The following EML6 variants were observed in gnomAD, a reference collection of about 807,000 sequenced individuals.
The protein encoded by EML6 is echinoderm microtubule-associated protein-like 6.
EML6 carries 154 observed loss-of-function variants against 240.1 expected under a neutral mutation model. The ratio of observed to expected loss-of-function variants is 0.64; its 90% CI spans 0.56 to 0.73. The LOEUF (loss-of-function observed/expected upper bound fraction) is 0.73, where lower values mean the gene tolerates loss of function less well. Ranked by LOEUF, EML6 falls within the 30% of genes least tolerant of loss-of-function variation. The pLI is 0.00. For synonymous variants in EML6, 1,148 were observed against 899.0 expected, an observed-to-expected ratio of 1.28 and a Z score of -4.95; for missense variants, 2,964 against 2,474.6, an observed-to-expected ratio of 1.20 and a Z score of -4.20.
chr2:54,937,443 C>T (rs1675197811), intron 28 of EML6, among the ~76,000 whole-genome samples: 1 of 148,840 alleles, frequency 6.7e-6, no homozygotes. Context: ...GGTTTAGTTG[C>T]TTGGGAGGCT....
At chr2:54,884,785 T>A (rs984583307) in intron 17 of EML6, among the ~76,000 whole-genome samples, 1 of 152,248 alleles carries the variant, frequency 6.6e-6, no homozygotes, top group African/African-American at 2.4e-5. Flanking sequence ...CTAGGAAATA[T>A]AATTTTCTGT....
At chr2:54,744,032 A>G (rs1683783542) in intron 2 of EML6, among the ~76,000 whole-genome samples, 1 of 151,824 alleles carries the variant, frequency 6.6e-6, no homozygotes, top group Non-Finnish European at 1.5e-5. Context: ...GGTGGGGGAA[A>G]GCATTGCAGG....
Position 54,813,254 on chromosome 2 carries a change from ACT to A in EML6, c.224_225del (p.Leu75ArgfsTer19), listed in dbSNP as rs1667939364. 1 of 1,550,296 alleles carries A rather than the reference ACT, an allele frequency of 6.5e-7. No homozygotes were observed. Among genetic ancestry groups the A allele is most frequent in the Admixed American group, 2.0e-5 (1 of 50,780 alleles). On this transcript the variant is annotated frameshift_variant, in exon 3 of 42. Transcript: ENST00000356458. LOFTEE classifies it high-confidence loss of function. ...CAGCCTTGCCTTACACCCAGACAAA[ACT>A]CTCGTTGCAACTGGCCAAGTCGGGA... is the stretch of plus-strand genomic sequence containing the variant. ...IISLALHPDK[T>X]LVATGQVGKE... is the part of the protein sequence containing the mutation.
Position 54,903,211 on chromosome 2 carries a change from A to T in EML6, c.3277+15A>T. 1 of 1,549,782 alleles carries T rather than the reference A, an allele frequency of 6.5e-7. No homozygotes were observed. Among genetic ancestry groups the T allele is most frequent in the Non-Finnish European group, 8.7e-7 (1 of 1,145,534 alleles). On this transcript the variant is annotated intron_variant, in intron 23 of 41. Transcript: ENST00000356458. ...GTTTTCAAAAGGTGAAGATGACAGCAGATACTTTTTAAAATAGCACAGTCT... is the reference window on the plus strand; with the variant it reads ...GTTTTCAAAAGGTGAAGATGACAGCTGATACTTTTTAAAATAGCACAGTCT...
chr2:54,964,769 A>C, intron 38 of EML6, 36 bp downstream of exon 38: 1 of 1,544,904 alleles, frequency 6.5e-7, no homozygotes, highest in Non-Finnish European at 8.8e-7. Context: ...GGGGCAACCA[A>C]TAATAACAGC....
chr2:54,835,704 C>G (rs1309725398), intron 7 of EML6, among the ~76,000 whole-genome samples: 1 of 152,122 alleles, frequency 6.6e-6, no homozygotes, highest in Non-Finnish European at 1.5e-5. Flanking sequence ...AGCTCTCAAC[C>G]AGGAGTGATT....
chr2:54,883,524 A>C (rs1418649069), intron 17 of EML6, among the ~76,000 whole-genome samples: 4 of 152,210 alleles, frequency 2.6e-5, no homozygotes, highest in African/African-American at 9.6e-5. Flanking sequence ...CCCAGTGTGC[A>C]GTTGCCCTTG....
intron 2 of EML6, among the ~76,000 whole-genome samples, chr2:54,811,041 A>G (rs769178535): frequency 3.3e-5 from 5 of 152,114 alleles, no homozygotes; most frequent in African/African-American, 4.8e-5. Context: ...AGTCTCAAAC[A>G]TACTAAGCAT....
intron 5 of EML6, among the ~76,000 whole-genome samples, chr2:54,826,038 G>A (rs78441853): frequency 0.01 from 1,540 of 152,214 alleles, 31 homozygotes; most frequent in African/African-American, 0.034. Context: ...CCTGCCACCC[G>A]GGCACAGTCT....
chr2:54,931,360 G>T (rs1220486291), intron 28 of EML6, among the ~76,000 whole-genome samples: 1 of 152,162 alleles, frequency 6.6e-6, no homozygotes, highest in Admixed American at 6.5e-5. Flanking sequence ...TGGGAGGGTG[G>T]CACAAGATGT....
chr2:54,841,129 G>A (rs190396635), intron 7 of EML6, among the ~76,000 whole-genome samples: 8 of 152,362 alleles, frequency 5.3e-5, no homozygotes, highest in Admixed American at 3.3e-4. Context: ...GATCATGGGC[G>A]CAAGGCCGTG....
At chr2:54,731,554 C>G (rs1199094284) in intron 2 of EML6, among the ~76,000 whole-genome samples, 2 of 152,086 alleles carry the variant, frequency 1.3e-5, no homozygotes, top group East Asian at 1.9e-4. Context: ...AAGGTCAAGA[C>G]TGCAATGTGC....
At chr2:54,944,173 T>C (rs960931115) in intron 28 of EML6, among the ~76,000 whole-genome samples, 1 of 152,156 alleles carries the variant, frequency 6.6e-6, no homozygotes, top group African/African-American at 2.4e-5. Flanking sequence ...CCCAGGGTCA[T>C]GTCACTGACT....
intron 7 of EML6, among the ~76,000 whole-genome samples, chr2:54,835,799 G>T (rs1572974443): frequency 6.6e-6 from 1 of 152,118 alleles, no homozygotes; most frequent in South Asian, 2.1e-4. Flanking sequence ...AGAGGCCAGG[G>T]AAGCTGCTAA....
At chr2:54,822,514 G>GTC (rs1372971535) in intron 5 of EML6, among the ~76,000 whole-genome samples, 6 of 152,122 alleles carry the variant, frequency 3.9e-5, no homozygotes, top group African/African-American at 1.2e-4. Context: ...CCACTTAAGT[G>GTC]TCTCTAGGAA....
intron 17 of EML6, among the ~76,000 whole-genome samples, chr2:54,884,811 T>G (rs1672033394): frequency 6.6e-6 from 1 of 152,202 alleles, no homozygotes; most frequent in South Asian, 2.1e-4. Flanking sequence ...TTATTTTCAT[T>G]TTGGTTTTCT....
At chr2:54,882,188 CT>C (rs1671851086) in intron 17 of EML6, 1 of 151,922 alleles carries the variant, frequency 6.6e-6, no homozygotes, top group African/African-American at 2.4e-5. Flanking sequence ...ACGATCCGAT[CT>C]GTTTAAACAA....
At chr2:54,785,882 G>A (rs1669060771) in intron 2 of EML6, among the ~76,000 whole-genome samples, 1 of 151,818 alleles carries the variant, frequency 6.6e-6, no homozygotes, top group African/African-American at 2.4e-5. Context: ...TTGAGTATAA[G>A]TGAACCAGCA....
Position 54,806,188 on chromosome 2 carries a change from C to G in EML6, c.198-7044C>G, listed in dbSNP as rs182668142. Among the ~76,000 whole-genome samples the G allele has an allele frequency of 2.0e-5, 3 of 152,228 alleles. No homozygotes were observed. The East Asian group carries it at 5.8e-4, about 29-fold the overall frequency. On this transcript the variant is annotated intron_variant, in intron 2 of 41. Transcript: ENST00000356458. The stretch of plus-strand genomic sequence containing the variant: ...TTTAGATCTTTTCTCCTTAGGGAGG[C>G]ATCTTCAGATAACTGATCTTGTCCA...
Sources: gnomAD v4.1 joint callset for allele counts (sites outside exome capture counted in the v4.1 genomes callset) on GRCh38, gnomAD v4.1.1 for gene constraint, MANE v1.5 for transcripts, NCBI Gene and HGNC (gene_info 2026-07-23, HGNC 2026-07-21) for gene names.